The following CFAP65 variants were observed in gnomAD, a reference collection of about 807,000 sequenced individuals.
CFAP65 encodes cilia and flagella associated protein 65.
CFAP65 carries 155 observed loss-of-function variants against 208.0 expected under a neutral mutation model. The observed-to-expected ratio is 0.75, with a 90% confidence interval of 0.65 to 0.85. The LOEUF is 0.85. Ranked by LOEUF, CFAP65 falls within the 40% of genes least tolerant of loss-of-function variation. The probability of loss-of-function intolerance (pLI) is 0.00; values close to 1 mark genes in which losing one functional copy is unlikely to be tolerated. For synonymous variants in CFAP65, 970 were observed against 986.3 expected (o/e 0.98, Z 0.31); for missense variants, 2,294 against 2,451.3 (o/e 0.94, Z 1.36).
At chr2:219,027,341 G>C in intron 13 of CFAP65, 1 of 1,445,628 alleles carries the variant, frequency 6.9e-7, no homozygotes, top group African/African-American at 1.4e-5. Flanking sequence ...AAGCTAGGAG[G>C]CCTCCTAGCC....
intron 5 of CFAP65, chr2:219,035,100 GAAAA>G: frequency 1.0e-4 from 33 of 318,002 alleles, no homozygotes; most frequent in Non-Finnish European, 1.2e-4. Context: ...AACTACGCAG[GAAAA>G]AAAAAAAAAA....
At chr2:219,013,610 G>C in intron 22 of CFAP65, 25 bp from the exon 23 acceptor site, 4 of 1,580,970 alleles carry the variant, frequency 2.5e-6, no homozygotes, top group Non-Finnish European at 3.4e-6. Flanking sequence ...ATAAGTCTGG[G>C]AGTGAGTTCT....
chr2:219,035,223 C>A, intron 5 of CFAP65: 3 of 1,201,644 alleles, frequency 2.5e-6, no homozygotes, highest in Non-Finnish European at 3.4e-6. Flanking sequence ...GCCAACAGTC[C>A]CAAATAGAAA....
rs1945808501 is a variant in CFAP65, at chr2:219,004,673, T to G, written c.5052-218A>C. On this transcript the variant is annotated intron_variant, in intron 32 of 34. Transcript: ENST00000341552. This position sits in a 1 kb window ranked among gnomAD's most constrained non-coding sequence, Gnocchi z 4.7. ...CATGGTATGCTGGAGGCAGGGCAGG[T>G]CAGATTCACACACATGATGGGCAGG... is the stretch of plus-strand genomic sequence containing the variant. Among the ~76,000 whole-genome samples the G allele has an allele frequency of 6.6e-6, 1 of 152,062 alleles. No individual in the cohort carries two copies. Among genetic ancestry groups the G allele is most frequent in the African/African-American group, 2.4e-5 (1 of 41,404 alleles).
At chr2:219,017,499 A>G (rs1341597328) in intron 21 of CFAP65, among the ~76,000 whole-genome samples, 2 of 152,290 alleles carry the variant, frequency 1.3e-5, no homozygotes, top group African/African-American at 4.8e-5. Context: ...TTTCAAAAAT[A>G]GCCTTCTAAG....
chr2:219,028,289 G>A lies in CFAP65; in HGVS notation c.1763C>T (p.Thr588Met), dbSNP rs751168818. 32 of 1,613,940 alleles carry A rather than the reference G, an allele frequency of 2.0e-5. No individual in the cohort carries two copies. The highest frequency in any genetic ancestry group is 6.7e-5 in the Admixed American group (4 of 59,996). ...ATCCAGGATGTCAGGGGGGTAGAGC[G>A]TCAGGCCCCGGGCCAGGTGTGTGCG... ...WYRTHLARGL[T>M]LYPPDILDAM... Residue 588 changes from threonine to methionine, a missense_variant, in exon 12 of 35, where the codon ACG becomes ATG. This residue lies in a region of CFAP65 where 867 missense variants were observed against 1,012.6 expected (regional missense o/e 0.86). Coordinates refer to ENST00000341552, the MANE Select transcript of CFAP65 (RefSeq NM_194302.4).
chr2:219,006,586 C>A, intron 29 of CFAP65, 77 bp from the exon 30 acceptor site: 1 of 1,465,540 alleles, frequency 6.8e-7, no homozygotes, highest in East Asian at 2.3e-5. Flanking sequence ...GTAATCCCAG[C>A]ACTTTGGAAG....
At position 219,021,871 on chromosome 2, in the gene CFAP65, G is replaced by A. The variant is rs770600051; in HGVS notation, c.3039C>T (p.Phe1013=). The A allele has an allele frequency of 1.2e-5, 19 of 1,613,736 alleles. No individual in the cohort carries two copies. In the Middle Eastern group the frequency reaches 1.6e-3, roughly 140 times the overall value. ...NVLVNSKQSR[F]LVLLNDGNCT... is the part of the protein sequence containing the mutation. ...AGTTGCCGTCATTCAGGAGGACAAGGAACCTGGACTGCTTGCTGTTCACCA... is the reference window on the plus strand; with the variant it reads ...AGTTGCCGTCATTCAGGAGGACAAGAAACCTGGACTGCTTGCTGTTCACCA... The change falls in exon 18 of 35, where the codon TTC becomes TTT. Residue 1013 remains phenylalanine, a synonymous_variant. Coordinates refer to ENST00000341552, the MANE Select transcript of CFAP65 (RefSeq NM_194302.4).
At chr2:219,038,321 G>T in intron 4 of CFAP65, 54 bp downstream of exon 4, 2 of 1,549,792 alleles carry the variant, frequency 1.3e-6, no homozygotes, top group Non-Finnish European at 8.8e-7. Flanking sequence ...TGCCACCCAT[G>T]CCCCGCCCTG....
At position 219,005,531 on chromosome 2, in the gene CFAP65, C is replaced by A; in HGVS notation, c.4954G>T (p.Glu1652Ter). 6.2e-7 allele frequency: 1 copy of A among 1,612,636 alleles called. No individual in the cohort carries two copies. The highest frequency in any genetic ancestry group is 8.5e-7 in the Non-Finnish European group (1 of 1,179,944). The stretch of plus-strand genomic sequence containing the variant: ...GATTTTTCCTCAGAAGTCTCTGACT[C>A]TTCCCTGGGGGCCTTCCTCTTTGGC... ...ELPKRKAPRE[E>*]SETSEEKSPN... The change falls in exon 32 of 35, where the codon GAG becomes TAG. Residue 1652 changes from glutamate to a stop codon, truncating the protein, a stop_gained. Transcript: ENST00000341552. LOFTEE classifies it high-confidence loss of function.
intron 31 of CFAP65, 35 bp from the exon 32 acceptor site, chr2:219,005,597 A>G (rs1945911152): frequency 3.7e-6 from 6 of 1,608,080 alleles, no homozygotes; most frequent in Non-Finnish European, 4.2e-6. Context: ...TGGCCTGGGC[A>G]AGCCACCATG....
In CFAP65 at chr2:219,019,545, G is replaced by T. The variant is rs1559135436; in HGVS notation, c.3434C>A (p.Thr1145Asn). The T allele has an allele frequency of 6.2e-7, 1 of 1,613,120 alleles. No homozygotes were observed. The highest frequency in any genetic ancestry group is 1.7e-5 in the Admixed American group (1 of 60,010). ...LLNSYLERDP[T>N]PCELTYKVPT... ...CACCTTGTAGGTGAGCTCACAGGGGGTGGGGTCACGCTCCAAGTAACTGTT... is the reference window on the plus strand; with the variant it reads ...CACCTTGTAGGTGAGCTCACAGGGGTTGGGGTCACGCTCCAAGTAACTGTT... The change falls in exon 20 of 35, where the codon ACC becomes AAC. Residue 1145 changes from threonine to asparagine, a missense_variant. Physicochemically the swap from Thr to Asn is moderately conservative, Grantham distance 65. Around this residue, in one of 2 missense-constraint regions of CFAP65, gnomAD observed 1,427 missense variants for 1,438.7 expected, o/e 0.99. Coordinates refer to ENST00000341552, the MANE Select transcript of CFAP65 (RefSeq NM_194302.4).
chr2:219,014,235 A>C (rs978909889), intron 21 of CFAP65, 191 bp from the exon 22 acceptor site: 2 of 482,920 alleles, frequency 4.1e-6, no homozygotes, highest in Non-Finnish European at 7.2e-6. Context: ...TAATGGCCCC[A>C]AAACCCAGGA....
chr2:219,027,402 G>A (rs1032210543), intron 13 of CFAP65: 5 of 1,479,694 alleles, frequency 3.4e-6, no homozygotes, highest in African/African-American at 2.8e-5. Context: ...CAAACAGCTT[G>A]ATCTCAGCTG....
rs770858345 is a variant in CFAP65 at position 219,035,289 on chromosome 2, G to A, written c.542+191C>T. Reference sequence around the variant, plus strand: ...ACATTATGGTACAGGCACACATTGGGACACTATACCACAATGAAAAATAAT... The same window carrying A: ...ACATTATGGTACAGGCACACATTGGAACACTATACCACAATGAAAAATAAT... On this transcript the variant is annotated intron_variant, in intron 5 of 34. Coordinates refer to ENST00000341552, the MANE Select transcript of CFAP65 (RefSeq NM_194302.4). The A allele has an allele frequency of 6.0e-6, 9 of 1,497,140 alleles. No individual in the cohort carries two copies. The African/African-American group carries it at 1.3e-4, about 21-fold the overall frequency. The allele number at this position is 1,497,140 out of a possible 1,614,324, so 92.7% of individuals were successfully genotyped here.
intron 10 of CFAP65, 120 bp from the exon 11 acceptor site, chr2:219,029,788 A>G (rs1413424806): frequency 2.3e-6 from 3 of 1,306,138 alleles, no homozygotes; most frequent in Admixed American, 4.4e-5. Flanking sequence ...CCTGAGCAGA[A>G]CTCCAGCATC....
intron 27 of CFAP65, 78 bp downstream of exon 27, chr2:219,009,864 G>A (rs1401245996): frequency 7.4e-6 from 10 of 1,344,636 alleles, no homozygotes; most frequent in Admixed American, 4.8e-5. Flanking sequence ...ATGGAGTGGG[G>A]TGGTATGGGA....
Position 219,010,717 on chromosome 2 carries a change from G to A in CFAP65, c.4150-13C>T, listed in dbSNP as rs961371900. The A allele has an allele frequency of 2.5e-6, 4 of 1,600,376 alleles. No individual in the cohort carries two copies. In the African/African-American group the frequency reaches 4.0e-5, roughly 16 times the overall value. On this transcript the variant is annotated splice_polypyrimidine_tract_variant and intron_variant, in intron 25 of 34. Transcript: ENST00000341552. ...TGGGCACGTCCACCTGGGGAGTTAG[G>A]AGGGTGGGGGTAGGGACTGGTCAGA...
chr2:219,038,591 C>A lies in CFAP65; in HGVS notation c.154-13G>T. The A allele has an allele frequency of 6.2e-7, 1 of 1,607,914 alleles. No individual in the cohort carries two copies. The highest frequency in any genetic ancestry group is 8.5e-7 in the Non-Finnish European group (1 of 1,175,362). Reference sequence around the variant, plus strand: ...TCTGAGTATGGAGCTGGGAAGAGAGCAGAGGGGAGAGGAGACAGGAGTGAC... The same window carrying A: ...TCTGAGTATGGAGCTGGGAAGAGAGAAGAGGGGAGAGGAGACAGGAGTGAC... On this transcript the variant is annotated splice_polypyrimidine_tract_variant and intron_variant, in intron 3 of 34. Transcript: ENST00000341552.
Sources: gnomAD v4.1 joint callset for allele counts (sites outside exome capture counted in the v4.1 genomes callset) on GRCh38, gnomAD v4.1.1 for gene constraint, gnomAD v4.1.1 regional missense constraint, Gnocchi (gnomAD v3.1) non-coding constraint, MANE v1.5 for transcripts, NCBI Gene and HGNC (gene_info 2026-07-23, HGNC 2026-07-21) for gene names.